GABRA4: variants seen among roughly 807,000 people sequenced by gnomAD.
GABRA4 encodes the protein gamma-aminobutyric acid type A receptor subunit alpha4.
In GABRA4, 12 loss-of-function variants were observed where a neutral mutation model predicts 49.7. The observed-to-expected ratio is 0.24, with a 90% CI of 0.15 to 0.39. GABRA4 has a LOEUF of 0.39. Ranked by LOEUF, GABRA4 falls within the 10% of genes least tolerant of loss-of-function variation. The probability of loss-of-function intolerance (pLI) is 1.00; values close to 1 mark genes in which losing one functional copy is unlikely to be tolerated. For missense variants in GABRA4, 506 were observed against 686.0 expected (o/e 0.74, Z 2.93); for synonymous variants, 288 against 240.2 (o/e 1.20, Z -1.84).
intron 8 of GABRA4, among the ~76,000 whole-genome samples, chr4:46,942,550 G>C (rs1015519185): frequency 6.6e-6 from 1 of 151,594 alleles, no homozygotes; most frequent in African/African-American, 2.4e-5. Flanking sequence ...GCTTGAACGC[G>C]GAAGGTGGAG....
At chr4:46,973,228 G>A (rs183936004) in intron 6 of GABRA4, among the ~76,000 whole-genome samples, 1 of 151,734 alleles carries the variant, frequency 6.6e-6, no homozygotes, top group Non-Finnish European at 1.5e-5. Context: ...GGTCCTCAAA[G>A]TTCAGATGTT....
chr4:46,928,275 C>T lies in GABRA4; in HGVS notation c.1615G>A (p.Val539Ile). 1 of 1,612,954 alleles carries T rather than the reference C, an allele frequency of 6.2e-7. No individual in the cohort carries two copies. Among genetic ancestry groups the T allele is most frequent in the Non-Finnish European group, 8.5e-7 (1 of 1,179,472 alleles). Reference protein sequence around the residue: ...TFGAFNMVYWVVYLSKDTMEK... With the variant: ...TFGAFNMVYWIVYLSKDTMEK... ...ATAGTGTCCTTAGATAAATAAACAA[C>T]CCAATAAACCATGTTAAATGCCCCA... The change falls in exon 9 of 9, where the codon GTT becomes ATT. Residue 539 changes from valine (V) to isoleucine (I), a missense_variant. Physicochemically the swap from Val to Ile is conservative, Grantham distance 29 (BLOSUM62 3). This residue lies in a region of GABRA4 where 29 missense variants were observed against 25.1 expected (regional missense o/e 1.16). Coordinates refer to ENST00000264318, the MANE Select transcript of GABRA4 (RefSeq NM_000809.4).
chr4:46,920,730 A>G lies in GABRA4; in HGVS notation c.*7495T>C, dbSNP rs1172033733. The G allele has an allele frequency of 6.6e-6, 1 of 151,796 alleles. No individual in the cohort carries two copies. The highest frequency in any genetic ancestry group is 1.5e-5 in the Non-Finnish European group (1 of 67,760). 9.4% of individuals were successfully genotyped at this position (151,796 alleles called of 1,614,324 possible). On this transcript the variant is annotated 3_prime_UTR_variant, in exon 9 of 9. Coordinates refer to ENST00000264318, the MANE Select transcript of GABRA4 (RefSeq NM_000809.4). ...CCAAATTAGGTTATATCTTATAGCA[A>G]CTAGATTTGCATGGGATAAGTAAAA...
intron 8 of GABRA4, among the ~76,000 whole-genome samples, chr4:46,957,249 T>C (rs1722397393): frequency 6.8e-6 from 1 of 146,924 alleles, no homozygotes; most frequent in African/African-American, 2.5e-5. Flanking sequence ...CAAAAGAAAA[T>C]AAGGCTACAG....
At chr4:46,932,858 A>G (rs1048471709) in intron 8 of GABRA4, among the ~76,000 whole-genome samples, 2 of 152,184 alleles carry the variant, frequency 1.3e-5, no homozygotes, top group Non-Finnish European at 2.9e-5. Flanking sequence ...TTAATTAACA[A>G]TTGAACCAAT....
intron 8 of GABRA4, among the ~76,000 whole-genome samples, chr4:46,961,841 A>T (rs1722587808): frequency 6.6e-6 from 1 of 151,778 alleles, no homozygotes. Context: ...GTGGAGGAAG[A>T]AGAAGAGGAA....
At chr4:46,986,562 A>G (rs546323923) in intron 2 of GABRA4, among the ~76,000 whole-genome samples, 1 of 152,182 alleles carries the variant, frequency 6.6e-6, no homozygotes, top group East Asian at 1.9e-4. Context: ...GCCACCTCCT[A>G]ACATTGGAGA....
At position 46,928,151 on chromosome 4, in the gene GABRA4, G is replaced by T. The variant is rs1189595532; in HGVS notation, c.*74C>A. The T allele has an allele frequency of 4.1e-6, 5 of 1,226,094 alleles. No homozygotes were observed. The Admixed American group carries it at 7.6e-5, about 19-fold the overall frequency. The allele number at this position is 1,226,094 out of a possible 1,614,324, so 76.0% of individuals were successfully genotyped here. On this transcript the variant is annotated 3_prime_UTR_variant, in exon 9 of 9. Coordinates refer to ENST00000264318, the MANE Select transcript of GABRA4 (RefSeq NM_000809.4). ...GTTTTTATTTTAGTAAAGAATATTTGTTTATATTTAAAAACATTTAAAAAG... is the reference window on the plus strand; with the variant it reads ...GTTTTTATTTTAGTAAAGAATATTTTTTTATATTTAAAAACATTTAAAAAG...
At chr4:46,973,521 G>T (rs116876563) in intron 6 of GABRA4, among the ~76,000 whole-genome samples, 1 of 151,616 alleles carries the variant, frequency 6.6e-6, no homozygotes, top group Admixed American at 6.6e-5. Context: ...TTTATGAGCC[G>T]CCCTATTTGT....
chr4:46,934,723 A>T (rs1174518076), intron 8 of GABRA4, among the ~76,000 whole-genome samples: 3 of 152,192 alleles, frequency 2.0e-5, no homozygotes, highest in Admixed American at 2.0e-4. Context: ...AATTTCTTTA[A>T]GATAGGTGAC....
chr4:46,936,479 A>C (rs1721607620), intron 8 of GABRA4, among the ~76,000 whole-genome samples: 1 of 151,878 alleles, frequency 6.6e-6, no homozygotes, highest in African/African-American at 2.4e-5. Flanking sequence ...CGAACTCCTG[A>C]CCTCAGGTGA....
Position 46,919,897 on chromosome 4 carries a change from C to G in GABRA4, c.*8328G>C, listed in dbSNP as rs540151558. 1 of 151,626 alleles carries G rather than the reference C, an allele frequency of 6.6e-6. No individual in the cohort carries two copies. Among genetic ancestry groups the G allele is most frequent in the Non-Finnish European group, 1.5e-5 (1 of 67,622 alleles). The allele number at this position is 151,626 out of a possible 1,614,324, so 9.4% of individuals were successfully genotyped here. A position where few individuals can be genotyped will look rare whatever the true frequency, so the allele number is the denominator to read the frequency against. On this transcript the variant is annotated 3_prime_UTR_variant, in exon 9 of 9. Transcript: ENST00000264318. ...TACACCTTTGCATGAAAACCGGATTCTCATTCAATTTACAATGAAGCTCCC... is the reference window on the plus strand; with the variant it reads ...TACACCTTTGCATGAAAACCGGATTGTCATTCAATTTACAATGAAGCTCCC...
At chr4:46,990,753 A>G (rs1457873413) in intron 2 of GABRA4, among the ~76,000 whole-genome samples, 1 of 152,238 alleles carries the variant, frequency 6.6e-6, no homozygotes, top group East Asian at 1.9e-4. Context: ...ATGGAAGATC[A>G]TGCATTGACA....
chr4:46,978,335 C>A (rs1017455728), intron 3 of GABRA4, among the ~76,000 whole-genome samples: 1 of 151,906 alleles, frequency 6.6e-6, no homozygotes, highest in South Asian at 2.1e-4. Context: ...ATAGTGTACA[C>A]GACTAGTTCA....
At chr4:46,955,010 C>T (rs1722292444) in intron 8 of GABRA4, among the ~76,000 whole-genome samples, 1 of 152,066 alleles carries the variant, frequency 6.6e-6, no homozygotes, top group Non-Finnish European at 1.5e-5. Flanking sequence ...TGTAAAGCAA[C>T]TAGCACAGTA....
chr4:46,943,033 A>C (rs144078895), intron 8 of GABRA4, among the ~76,000 whole-genome samples: 383 of 152,146 alleles, frequency 2.5e-3, no homozygotes, highest in South Asian at 0.019. Flanking sequence ...TTATTCATTC[A>C]ATTCTTCAGA....
chr4:46,944,249 T>C (rs1213006675), intron 8 of GABRA4, among the ~76,000 whole-genome samples: 4 of 152,144 alleles, frequency 2.6e-5, no homozygotes, highest in Non-Finnish European at 5.9e-5. Flanking sequence ...ACCTTAAATA[T>C]ATACATTTTC....
intron 7 of GABRA4, among the ~76,000 whole-genome samples, chr4:46,970,621 T>A (rs1468896727): frequency 6.6e-6 from 1 of 151,602 alleles, no homozygotes; most frequent in Non-Finnish European, 1.5e-5. Context: ...TACCTTCCAA[T>A]TCAATGCATT....
In GABRA4 at chr4:46,925,290, C is replaced by T. The variant is rs929544399; in HGVS notation, c.*2935G>A. On this transcript the variant is annotated 3_prime_UTR_variant, in exon 9 of 9. Coordinates refer to ENST00000264318, the MANE Select transcript of GABRA4 (RefSeq NM_000809.4). ...TTTGTGAGGTCCAATTTAAAATATA[C>T]ATTATTCAAAGTACTATGTATATGC... 3 of 151,886 alleles carry T rather than the reference C, an allele frequency of 2.0e-5. No individual in the cohort carries two copies. Among genetic ancestry groups the T allele is most frequent in the Non-Finnish European group, 4.4e-5 (3 of 67,864 alleles). 9.4% of individuals were successfully genotyped at this position (151,886 alleles called of 1,614,324 possible). A position where few individuals can be genotyped will look rare whatever the true frequency, so the allele number is the denominator to read the frequency against.
Sources: allele counts gnomAD v4.1 joint callset (sites outside exome capture counted in the v4.1 genomes callset), GRCh38; gene constraint gnomAD v4.1.1; regional missense constraint gnomAD v4.1.1; transcripts MANE v1.5; gene names NCBI Gene and HGNC (gene_info 2026-07-23, HGNC 2026-07-21).